The following ZNF385B variants were observed in gnomAD, a reference collection of about 807,000 sequenced individuals.
ZNF385B encodes the protein zinc finger protein 533.
ZNF385B carries 23 observed loss-of-function variants against 39.2 expected under a neutral mutation model. The ratio of observed to expected loss-of-function variants is 0.59; its 90% CI spans 0.42 to 0.83. The LOEUF (loss-of-function observed/expected upper bound fraction) is 0.83, where lower values mean the gene tolerates loss of function less well. Ranked by LOEUF, ZNF385B falls within the 40% of genes least tolerant of loss-of-function variation. ZNF385B has a pLI of 0.00. For missense variants in ZNF385B, 552 were observed against 598.9 expected, an observed-to-expected ratio of 0.92 and a Z score of 0.82; for synonymous variants, 205 against 222.6, an observed-to-expected ratio of 0.92 and a Z score of 0.70.
chr2:179,814,441 C>A, intron 1 of ZNF385B: 1 of 463,234 alleles, frequency 2.2e-6, no homozygotes, highest in Non-Finnish European at 4.3e-6. Context: ...GTGAATATTA[C>A]CAAAGTACCT....
intron 3 of ZNF385B, among the ~76,000 whole-genome samples, chr2:179,647,817 C>T (rs1261197592): frequency 1.3e-5 from 2 of 152,108 alleles, no homozygotes; most frequent in Admixed American, 6.5e-5. Flanking sequence ...TTTTATTCCT[C>T]CTTTATCATT....
At chr2:179,577,998 CTAT>C (rs760314367) in intron 3 of ZNF385B, among the ~76,000 whole-genome samples, 11 of 152,166 alleles carry the variant, frequency 7.2e-5, no homozygotes, top group Middle Eastern at 6.8e-3. Flanking sequence ...TAATCATATG[CTAT>C]TATTGTTGGC....
chr2:179,777,405 A>G (rs1704390380), intron 1 of ZNF385B, among the ~76,000 whole-genome samples: 1 of 152,208 alleles, frequency 6.6e-6, no homozygotes, highest in Non-Finnish European at 1.5e-5. Context: ...ATTCTTAATT[A>G]GTTAAATAGA....
At chr2:179,806,943 A>T (rs931293349) in intron 1 of ZNF385B, among the ~76,000 whole-genome samples, 4 of 152,224 alleles carry the variant, frequency 2.6e-5, no homozygotes, top group African/African-American at 9.6e-5. Flanking sequence ...GAATACTATG[A>T]GGATGTAGAG....
chr2:179,676,476 G>A (rs547743671), intron 3 of ZNF385B, among the ~76,000 whole-genome samples: 6 of 152,026 alleles, frequency 3.9e-5, no homozygotes, highest in Admixed American at 2.0e-4. Flanking sequence ...TGCCCACCTT[G>A]GCCTCCCAAA....
intron 3 of ZNF385B, among the ~76,000 whole-genome samples, chr2:179,678,622 T>A (rs1697185331): frequency 6.6e-6 from 1 of 152,210 alleles, no homozygotes; most frequent in Non-Finnish European, 1.5e-5. Flanking sequence ...ATTGACAAAC[T>A]AGGAAAAGAA....
At chr2:179,453,662 C>T (rs2050378913) in intron 6 of ZNF385B, among the ~76,000 whole-genome samples, 1 of 152,116 alleles carries the variant, frequency 6.6e-6, no homozygotes. Flanking sequence ...CTCAGTTTGG[C>T]ATAACAAAGT....
At chr2:179,493,478 C>T (rs1373766623) in intron 5 of ZNF385B, among the ~76,000 whole-genome samples, 2 of 63,420 alleles carry the variant, frequency 3.2e-5, no homozygotes, top group East Asian at 6.9e-4. Flanking sequence ...TGCATGTGTA[C>T]ACATATGTAT....
intron 1 of ZNF385B, among the ~76,000 whole-genome samples, chr2:179,853,181 C>A (rs907262313): frequency 6.6e-6 from 1 of 152,004 alleles, no homozygotes; most frequent in South Asian, 2.1e-4. Flanking sequence ...GCCTATGAAC[C>A]CAGGAGAGGT....
chr2:179,673,990 T>C (rs971901422), intron 3 of ZNF385B, among the ~76,000 whole-genome samples: 1 of 152,308 alleles, frequency 6.6e-6, no homozygotes, highest in Admixed American at 6.5e-5. Context: ...ATTAGATGTA[T>C]TGATCTTAGA....
rs1478526358 is a variant in ZNF385B at position 179,815,635 on chromosome 2, T to C, written c.-154-44963A>G. ...ATATCTTGATTGATTGCTTGATTCA[T>C]TGATTTAGATTCTTTGATTCATTCA... On this transcript the variant is annotated intron_variant, in intron 1 of 9. Coordinates refer to ENST00000410066, the MANE Select transcript of ZNF385B (RefSeq NM_152520.6). Among the ~76,000 whole-genome samples the C allele has an allele frequency of 5.3e-5, 8 of 152,332 alleles. No homozygotes were observed. The East Asian group carries it at 7.7e-4, about 15-fold the overall frequency.
intron 3 of ZNF385B, among the ~76,000 whole-genome samples, chr2:179,731,760 G>T (rs952853384): frequency 2.6e-5 from 4 of 152,170 alleles, no homozygotes; most frequent in Non-Finnish European, 5.9e-5. Flanking sequence ...GCACTCCCAC[G>T]TGGGCATCAT....
chr2:179,679,744 C>T lies in ZNF385B; in HGVS notation c.298+89759G>A, dbSNP rs937229793. Among the ~76,000 whole-genome samples the T allele has an allele frequency of 3.9e-5, 6 of 152,032 alleles. No homozygotes were observed. The South Asian group carries it at 1.2e-3, about 32-fold the overall frequency. The stretch of plus-strand genomic sequence containing the variant: ...GAATCACCTCCCACCCCTAAAGATT[C>T]CCACCCAGTTATGCCTTCTAATGTG... On this transcript the variant is annotated intron_variant, in intron 3 of 9. Transcript: ENST00000410066.
intron 3 of ZNF385B, among the ~76,000 whole-genome samples, chr2:179,758,210 C>T (rs1302792310): frequency 6.6e-6 from 1 of 152,142 alleles, no homozygotes; most frequent in East Asian, 1.9e-4. Flanking sequence ...TAGGCCATTC[C>T]TGCTGCTATA....
intron 3 of ZNF385B, among the ~76,000 whole-genome samples, chr2:179,595,546 C>T (rs771410674): frequency 6.1e-4 from 93 of 151,902 alleles, no homozygotes; most frequent in Non-Finnish European, 2.4e-4. Context: ...CTTTGAGCAG[C>T]CCAGTTCTCT....
At chr2:179,460,185 C>A (rs2105466746) in intron 6 of ZNF385B, among the ~76,000 whole-genome samples, 1 of 152,082 alleles carries the variant, frequency 6.6e-6, no homozygotes, top group South Asian at 2.1e-4. Context: ...TAAAGCTGGT[C>A]ATGGTAAAGA....
At chr2:179,820,586 T>C (rs1707343278) in intron 1 of ZNF385B, among the ~76,000 whole-genome samples, 1 of 152,074 alleles carries the variant, frequency 6.6e-6, no homozygotes, top group Non-Finnish European at 1.5e-5. Context: ...TAGAATTTAA[T>C]GTTTCACTCA....
chr2:179,490,316 AACACACAC>A (rs143318849), intron 5 of ZNF385B, among the ~76,000 whole-genome samples: 3 of 149,986 alleles, frequency 2.0e-5, no homozygotes, highest in Non-Finnish European at 3.0e-5. Flanking sequence ...TACACACACA[AACACACAC>A]ACACACACAC....
At chr2:179,525,833 A>G (rs2058851402) in intron 4 of ZNF385B, among the ~76,000 whole-genome samples, 1 of 152,194 alleles carries the variant, frequency 6.6e-6, no homozygotes, top group African/African-American at 2.4e-5. Context: ...ATATTTCTCT[A>G]AAGTTACTTT....
Sources: gnomAD v4.1 joint callset for allele counts (sites outside exome capture counted in the v4.1 genomes callset) on GRCh38, gnomAD v4.1.1 for gene constraint, MANE v1.5 for transcripts, NCBI Gene and HGNC (gene_info 2026-07-23, HGNC 2026-07-21) for gene names.